The following LRRN1 variants were observed in gnomAD, a reference collection of about 807,000 sequenced individuals.
LRRN1 encodes leucine-rich repeat neuronal protein 1.
A neutral mutation model predicts 45.8 loss-of-function variants in LRRN1; 14 were observed. The ratio of observed to expected loss-of-function variants is 0.31; its 90% CI spans 0.20 to 0.48. The LOEUF (loss-of-function observed/expected upper bound fraction) is 0.48. LRRN1 is among the 20% of genes least tolerant of loss of function. The pLI, the probability that LRRN1 is intolerant of heterozygous loss-of-function variation, is 0.99. For missense variants in LRRN1, 789 were observed against 874.2 expected (o/e 0.90, Z 1.23); for synonymous variants, 359 against 330.1 (o/e 1.09, Z -0.95).
chr3:3,846,077 G>A lies in LRRN1; in HGVS notation c.1436G>A (p.Ser479Asn), dbSNP rs1693769816. The part of the protein sequence containing the change: ...VETLSDKYKL[S>N]SEGTLEISNI... Reference sequence around the variant, plus strand: ...ACCCTTTCAGATAAATACAAGCTAAGTAGCGAAGGTACCTTGGAAATATCT... The same window carrying A: ...ACCCTTTCAGATAAATACAAGCTAAATAGCGAAGGTACCTTGGAAATATCT... The change falls in exon 2 of 2, where the codon AGT becomes AAT. Residue 479 changes from serine to asparagine, a missense_variant. Transcript: ENST00000319331. This position sits in a 1 kb window ranked among gnomAD's most constrained non-coding sequence, Gnocchi z 5.7. 6.2e-7 allele frequency: 1 copy of A among 1,613,988 alleles called. No homozygotes were observed. The highest frequency in any genetic ancestry group is 1.3e-5 in the African/African-American group (1 of 74,926).
rs1052847905 is a variant in LRRN1 at position 3,845,465 on chromosome 3, T to C, written c.824T>C (p.Ile275Thr). The change falls in exon 2 of 2, where the codon ATT (isoleucine) becomes ACT (threonine). Residue 275 changes from isoleucine to threonine, a missense_variant. Coordinates refer to ENST00000319331, the MANE Select transcript of LRRN1 (RefSeq NM_020873.7). The surrounding 1 kb of genome is among the most constrained non-coding windows in gnomAD (Gnocchi z 6.5). ...TTCTTAGACCTCAACAAAAACCCCA[T>C]TCACAAAATCCAAGAAGGGGACTTC... ...LKFLDLNKNP[I>T]HKIQEGDFKN... is the part of the protein sequence containing the mutation. 6.2e-7 allele frequency: 1 copy of C among 1,614,084 alleles called. No homozygotes were observed. Among genetic ancestry groups the C allele is most frequent in the South Asian group, 1.1e-5 (1 of 91,068 alleles).
At position 3,845,819 on chromosome 3, in the gene LRRN1, AG is replaced by A. The variant is rs778861422; in HGVS notation, c.1179del (p.Glu393AspfsTer18). On this transcript the variant is annotated frameshift_variant, in exon 2 of 2. Transcript: ENST00000319331. LOFTEE classifies it high-confidence loss of function. The surrounding 1 kb of genome is among the most constrained non-coding windows in gnomAD (Gnocchi z 6.5). The stretch of plus-strand genomic sequence containing the variant: ...AACAAAACCAACATCCGCTTCATGG[AG>A]CCCCTGTCCATGTTCTGTGCCATGC... ...NSNKTNIRFM[E>X]PLSMFCAMPP... 1 of 1,614,144 alleles carries A rather than the reference AG, an allele frequency of 6.2e-7. No homozygotes were observed.
chr3:3,815,917 A>C (rs1692978783), intron 1 of LRRN1, among the ~76,000 whole-genome samples: 1 of 118,980 alleles, frequency 8.4e-6, no homozygotes, highest in African/African-American at 3.1e-5. Flanking sequence ...TTAGTCTAAG[A>C]GATAACTTTA....
rs1281823086 is a variant in LRRN1 at position 3,845,555 on chromosome 3, G to A, written c.914G>A (p.Arg305His). 6.2e-7 allele frequency: 1 copy of A among 1,614,006 alleles called. No homozygotes were observed. Among genetic ancestry groups the A allele is most frequent in the Non-Finnish European group, 8.5e-7 (1 of 1,180,018 alleles). The stretch of plus-strand genomic sequence containing the variant: ...ATGGGCGAGCTCGTTTCTGTCGACC[G>A]CTATGCCCTGGATAACTTGCCTGAA... Reference protein sequence around the residue: ...NNMGELVSVDRYALDNLPELT... With the variant: ...NNMGELVSVDHYALDNLPELT... Residue 305 changes from arginine (R) to histidine (H), a missense_variant, in exon 2 of 2, where the codon CGC (arginine) becomes CAC (histidine). By Grantham distance (29) the Arg-to-His change is conservative (BLOSUM62 0). Coordinates refer to ENST00000319331, the MANE Select transcript of LRRN1 (RefSeq NM_020873.7). This position sits in a 1 kb window ranked among gnomAD's most constrained non-coding sequence, Gnocchi z 6.5.
At chr3:3,829,006 T>TTC (rs397753442) in intron 1 of LRRN1, among the ~76,000 whole-genome samples, 1 of 151,518 alleles carries the variant, frequency 6.6e-6, no homozygotes, top group Non-Finnish European at 1.5e-5. Context: ...TTTTTTTTTT[T>TTC]CCTGGTGGAG....
intron 1 of LRRN1, among the ~76,000 whole-genome samples, chr3:3,800,249 C>T (rs1386773470): frequency 6.6e-6 from 1 of 151,666 alleles, no homozygotes; most frequent in Non-Finnish European, 1.5e-5. Flanking sequence ...TTTCAGGGGC[C>T]GACCAGGGGA....
chr3:3,839,040 C>T (rs1290738033), intron 1 of LRRN1, among the ~76,000 whole-genome samples: 3 of 151,948 alleles, frequency 2.0e-5, no homozygotes, highest in South Asian at 4.1e-4. Flanking sequence ...TTGTTGTTGT[C>T]GTTGCCTGTG....
intron 1 of LRRN1, among the ~76,000 whole-genome samples, chr3:3,822,092 G>A (rs906473508): frequency 1.3e-5 from 2 of 152,190 alleles, no homozygotes; most frequent in Admixed American, 1.3e-4. Flanking sequence ...CCACTCTGCT[G>A]TACTAGTTCC....
intron 1 of LRRN1, among the ~76,000 whole-genome samples, chr3:3,836,306 T>C (rs1693511324): frequency 6.6e-6 from 1 of 152,228 alleles, no homozygotes; most frequent in East Asian, 1.9e-4. Context: ...TAGAACTTTG[T>C]CATCTTGCAA....
chr3:3,841,865 T>C (rs1693660352), intron 1 of LRRN1, among the ~76,000 whole-genome samples: 1 of 152,202 alleles, frequency 6.6e-6, no homozygotes. Context: ...CAGAGTCAAC[T>C]AGTTTTATAA....
intron 1 of LRRN1, among the ~76,000 whole-genome samples, chr3:3,806,900 A>T (rs965939059): frequency 2.0e-5 from 3 of 152,098 alleles, no homozygotes; most frequent in African/African-American, 7.2e-5. Context: ...TCCCAGCACA[A>T]GTTGAATTTG....
chr3:3,846,923 G>A lies in LRRN1; in HGVS notation c.*131G>A, dbSNP rs971968020. The A allele has an allele frequency of 5.3e-6, 4 of 747,856 alleles. No homozygotes were observed. Among genetic ancestry groups the A allele is most frequent in the South Asian group, 4.5e-5 (2 of 44,418 alleles). The allele number at this position is 747,856 out of a possible 1,614,324, so 46.3% of individuals were successfully genotyped here. On this transcript the variant is annotated 3_prime_UTR_variant, in exon 2 of 2. Transcript: ENST00000319331. The surrounding 1 kb of genome is among the most constrained non-coding windows in gnomAD (Gnocchi z 5.7). Reference sequence around the variant, plus strand: ...TTGTGGCAGAGTGGAGAGGACGGGTGGATATTTCAAATTTTTTTAGTATAG... The same window carrying A: ...TTGTGGCAGAGTGGAGAGGACGGGTAGATATTTCAAATTTTTTTAGTATAG...
chr3:3,842,711 T>A (rs1693675213), intron 1 of LRRN1, among the ~76,000 whole-genome samples: 1 of 152,176 alleles, frequency 6.6e-6, no homozygotes, highest in Non-Finnish European at 1.5e-5. Context: ...CTGAAGTTCC[T>A]TCAGTGCTCA....
At chr3:3,807,535 C>T (rs1383215546) in intron 1 of LRRN1, among the ~76,000 whole-genome samples, 2 of 152,178 alleles carry the variant, frequency 1.3e-5, no homozygotes, top group East Asian at 3.9e-4. Context: ...ACTTGCACGT[C>T]AGAACGAGTT....
intron 1 of LRRN1, among the ~76,000 whole-genome samples, chr3:3,834,223 C>T (rs1693434833): frequency 6.6e-6 from 1 of 152,086 alleles, no homozygotes; most frequent in Non-Finnish European, 1.5e-5. Flanking sequence ...CGGTTCTCCA[C>T]ATATGGTCAA....
intron 1 of LRRN1, among the ~76,000 whole-genome samples, chr3:3,836,174 G>T (rs1038504776): frequency 2.0e-5 from 3 of 152,086 alleles, no homozygotes; most frequent in African/African-American, 7.2e-5. Flanking sequence ...AAGTTGGCCT[G>T]AATTATTATG....
chr3:3,835,458 C>T (rs116831245), intron 1 of LRRN1, among the ~76,000 whole-genome samples: 236 of 152,132 alleles, frequency 1.6e-3, no homozygotes, highest in African/African-American at 5.4e-3. Context: ...GTTGAACTAT[C>T]GTCAGTTGGG....
intron 1 of LRRN1, among the ~76,000 whole-genome samples, chr3:3,821,526 G>A (rs981397911): frequency 6.6e-6 from 1 of 152,020 alleles, no homozygotes; most frequent in African/African-American, 2.4e-5. Context: ...CTGTTTAAGG[G>A]CAGGGTCTGG....
chr3:3,818,464 C>A (rs529770076), intron 1 of LRRN1, among the ~76,000 whole-genome samples: 1 of 152,220 alleles, frequency 6.6e-6, no homozygotes, highest in South Asian at 2.1e-4. Context: ...GTTAAATTGC[C>A]ACTTTCATGA....
Sources: gnomAD v4.1 joint callset for allele counts (sites outside exome capture counted in the v4.1 genomes callset) on GRCh38, gnomAD v4.1.1 for gene constraint, Gnocchi (gnomAD v3.1) non-coding constraint, MANE v1.5 for transcripts, NCBI Gene and HGNC (gene_info 2026-07-23, HGNC 2026-07-21) for gene names.